SPECC1: variants seen among roughly 807,000 people sequenced by gnomAD.
The protein encoded by SPECC1 is sperm antigen with calponin homology and coiled-coil domains 1.
Under a neutral mutation model 104.1 loss-of-function variants are expected in SPECC1, and 62 were observed. The ratio of observed to expected loss-of-function variants is 0.60; its 90% CI spans 0.49 to 0.74. SPECC1 has a LOEUF of 0.74. SPECC1 is among the 30% of genes least tolerant of loss of function. The probability of loss-of-function intolerance (pLI) is 0.00; values close to 1 mark genes in which losing one functional copy is unlikely to be tolerated. For missense variants in SPECC1, 1,306 were observed against 1,310.5 expected (o/e 1.00, Z 0.05); for synonymous variants, 513 against 501.6 (o/e 1.02, Z -0.30).
chr17:20,099,694 CAAAAAAA>C (rs768172798), intron 2 of SPECC1, among the ~76,000 whole-genome samples: 10 of 17,406 alleles, frequency 5.7e-4, no homozygotes, highest in East Asian at 5.6e-3. Context: ...CACTCTATCT[CAAAAAAA>C]AAAAAAAAAA....
At chr17:20,297,848 C>T (rs2041405454) in intron 13 of SPECC1, among the ~76,000 whole-genome samples, 1 of 152,184 alleles carries the variant, frequency 6.6e-6, no homozygotes, top group Non-Finnish European at 1.5e-5. Context: ...TGTCAAGCAT[C>T]GGGCACTATC....
At chr17:20,092,935 G>T (rs1299927748) in intron 1 of SPECC1, among the ~76,000 whole-genome samples, 1 of 152,100 alleles carries the variant, frequency 6.6e-6, no homozygotes, top group Non-Finnish European at 1.5e-5. Flanking sequence ...ATTCAGAGAG[G>T]CCATCCGTCC....
At chr17:20,101,872 ATGT>A (rs2047961947) in intron 2 of SPECC1, among the ~76,000 whole-genome samples, 1 of 152,214 alleles carries the variant, frequency 6.6e-6, no homozygotes, top group Non-Finnish European at 1.5e-5. Context: ...CGACCAGATT[ATGT>A]TATGTCTGAT....
intron 3 of SPECC1, among the ~76,000 whole-genome samples, chr17:20,195,145 T>G (rs2035944412): frequency 6.6e-6 from 1 of 152,208 alleles, no homozygotes; most frequent in African/African-American, 2.4e-5. Context: ...TTTTCCTCTA[T>G]TCTGTTGTTA....
chr17:20,304,603 G>C (rs937710278), intron 13 of SPECC1, among the ~76,000 whole-genome samples: 1 of 152,086 alleles, frequency 6.6e-6, no homozygotes, highest in Non-Finnish European at 1.5e-5. Context: ...TTAACTGAAC[G>C]TGATGGTAGA....
At chr17:20,251,871 T>C (rs915441716) in intron 9 of SPECC1, among the ~76,000 whole-genome samples, 1 of 152,086 alleles carries the variant, frequency 6.6e-6, no homozygotes, top group Non-Finnish European at 1.5e-5. Context: ...ATAAAGAAAA[T>C]AAGGCACAGA....
intron 3 of SPECC1, among the ~76,000 whole-genome samples, chr17:20,144,030 T>A (rs79899527): frequency 2.0e-5 from 3 of 152,050 alleles, no homozygotes; most frequent in African/African-American, 7.2e-5. Flanking sequence ...AAGAGCACAC[T>A]ATGTGAGTTC....
chr17:20,166,354 G>C (rs944995276), intron 3 of SPECC1, among the ~76,000 whole-genome samples: 1 of 152,104 alleles, frequency 6.6e-6, no homozygotes, highest in Non-Finnish European at 1.5e-5. Context: ...TCTAAGGCCA[G>C]GAAGAAAACG....
At chr17:20,166,991 GTCCCAGC>G (rs2033705033) in intron 3 of SPECC1, among the ~76,000 whole-genome samples, 1 of 151,894 alleles carries the variant, frequency 6.6e-6, no homozygotes, top group African/African-American at 2.4e-5. Flanking sequence ...ACTGCTTGTA[GTCCCAGC>G]TACTCAGGAG....
Position 20,205,480 on chromosome 17 carries a change from C to A in SPECC1, c.1431C>A (p.Gly477=), listed in dbSNP as rs1466868529. ...AGTGCACAGGTATTCTTGAACAGGG[C>A]CGCTTTGAAAGAGAGAAGCTACTCA... ...EQKCTGILEQ[G]RFEREKLLNI... Residue 477 remains glycine, a synonymous_variant, in exon 4 of 15, where the codon GGC becomes GGA. Transcript: ENST00000395527. The A allele has an allele frequency of 6.2e-7, 1 of 1,613,966 alleles. No individual in the cohort carries two copies. The highest frequency in any genetic ancestry group is 8.5e-7 in the Non-Finnish European group (1 of 1,180,044).
intron 1 of SPECC1, among the ~76,000 whole-genome samples, chr17:20,063,321 A>G (rs552974079): frequency 1.1e-4 from 17 of 152,176 alleles, no homozygotes; most frequent in Middle Eastern, 3.4e-3. Flanking sequence ...TTGGTATTCT[A>G]TGTTTTCCTA....
intron 3 of SPECC1, among the ~76,000 whole-genome samples, chr17:20,126,651 A>G (rs1283952568): frequency 6.6e-6 from 1 of 152,176 alleles, no homozygotes; most frequent in Non-Finnish European, 1.5e-5. Context: ...TGTCTCCTCC[A>G]TTCCAGGAGT....
At chr17:20,150,409 G>T (rs1056802507) in intron 3 of SPECC1, among the ~76,000 whole-genome samples, 1 of 151,716 alleles carries the variant, frequency 6.6e-6, no homozygotes, top group Non-Finnish European at 1.5e-5. Context: ...GGAGGCCGAG[G>T]CGGGCAGATC....
At chr17:20,247,992 G>A (rs2039487236) in intron 9 of SPECC1, among the ~76,000 whole-genome samples, 1 of 152,108 alleles carries the variant, frequency 6.6e-6, no homozygotes, top group Non-Finnish European at 1.5e-5. Context: ...GCCAGAATCG[G>A]GAAGTCTTTC....
intron 3 of SPECC1, among the ~76,000 whole-genome samples, chr17:20,174,960 T>G (rs2151197323): frequency 6.6e-6 from 1 of 152,278 alleles, no homozygotes; most frequent in South Asian, 2.1e-4. Flanking sequence ...AAAAAAAATC[T>G]TAACCTCCTC....
intron 12 of SPECC1, among the ~76,000 whole-genome samples, chr17:20,270,455 A>C (rs1010266507): frequency 1.4e-5 from 2 of 147,586 alleles, no homozygotes; most frequent in Admixed American, 6.8e-5. Context: ...AAAAAAAAAA[A>C]AAAAAAAAAA....
At chr17:20,110,640 A>G (rs934250097) in intron 3 of SPECC1, 78 bp downstream of exon 3, 2 of 1,411,732 alleles carry the variant, frequency 1.4e-6, no homozygotes, top group Non-Finnish European at 1.9e-6. Context: ...CCCATGACCC[A>G]TCCATTCCTT....
chr17:20,148,338 C>T (rs2031655970), intron 3 of SPECC1, among the ~76,000 whole-genome samples: 1 of 151,960 alleles, frequency 6.6e-6, no homozygotes, highest in African/African-American at 2.4e-5. Context: ...CTCCTGGGCT[C>T]AAGTGGTTCT....
chr17:20,180,925 A>G (rs1454876981), intron 3 of SPECC1, among the ~76,000 whole-genome samples: 1 of 152,168 alleles, frequency 6.6e-6, no homozygotes, highest in Non-Finnish European at 1.5e-5. Flanking sequence ...TATCACAGAA[A>G]ACAAAAAGTG....
Sources: gnomAD v4.1 joint callset for allele counts (sites outside exome capture counted in the v4.1 genomes callset) on GRCh38, gnomAD v4.1.1 for gene constraint, MANE v1.5 for transcripts, NCBI Gene and HGNC (gene_info 2026-07-23, HGNC 2026-07-21) for gene names.